LONRF2: variants seen among roughly 807,000 people sequenced by gnomAD.
The protein encoded by LONRF2 is LON peptidase N-terminal domain and ring finger 2.
A neutral mutation model predicts 66.6 loss-of-function variants in LONRF2; 35 were observed. The observed-to-expected ratio is 0.53, with a 90% CI of 0.40 to 0.70. LONRF2 has a LOEUF of 0.70. LONRF2 is among the 30% of genes least tolerant of loss of function. The probability of loss-of-function intolerance (pLI) is 0.00; values close to 1 mark genes in which losing one functional copy is unlikely to be tolerated. For synonymous variants in LONRF2, 417 were observed against 418.1 expected (o/e 1.00, Z 0.03); for missense variants, 902 against 1,002.1 (o/e 0.90, Z 1.35).
chr2:100,286,845 A>G (rs1276298559), intron 11 of LONRF2, 69 bp downstream of exon 11: 13 of 1,533,846 alleles, frequency 8.5e-6, no homozygotes, highest in African/African-American at 5.5e-5. Flanking sequence ...CAAGCTCTCC[A>G]CCAGAATGAT....
At chr2:100,293,397 G>A (rs1487222236) in intron 9 of LONRF2, among the ~76,000 whole-genome samples, 2 of 152,204 alleles carry the variant, frequency 1.3e-5, no homozygotes, top group East Asian at 1.9e-4. Flanking sequence ...TCCTGGGCAC[G>A]TAGGTGGACT....
At position 100,295,536 on chromosome 2, in the gene LONRF2, G is replaced by A; in HGVS notation, c.1494C>T (p.Asn498=). ...DKLSELLASR[N]FNITVLAEEL... ...CTTCGGCCAGAACAGTTATGTTAAA[G>A]TTTCTGCTTGCCAATAACTGTAACA... The change falls in exon 8 of 12, where the codon AAC becomes AAT. Residue 498 remains asparagine (N), a synonymous_variant. Coordinates refer to ENST00000393437, the MANE Select transcript of LONRF2 (RefSeq NM_198461.4). 6.2e-7 allele frequency: 1 copy of A among 1,613,186 alleles called. No individual in the cohort carries two copies. The highest frequency in any genetic ancestry group is 8.5e-7 in the Non-Finnish European group (1 of 1,179,712).
chr2:100,319,970 C>T (rs528487348), intron 1 of LONRF2, among the ~76,000 whole-genome samples: 1 of 152,326 alleles, frequency 6.6e-6, no homozygotes, highest in Admixed American at 6.5e-5. Flanking sequence ...CATTTTTCTA[C>T]ATCTTCTCCA....
rs775108359 is a variant in LONRF2, at chr2:100,284,350, C to A, written c.2213G>T (p.Arg738Leu). 6.3e-7 allele frequency: 1 copy of A among 1,590,814 alleles called. No individual in the cohort carries two copies. ...CAGCTCTTGCCGACTATTCATCTTA[C>A]GCGTGATGATGACTAATATCCGTCG... ...AIRRILVIIT[R>L]KMNSRQELAN... Residue 738 changes from arginine (R) to leucine (L), a missense_variant, in exon 12 of 12, where the codon CGT becomes CTT. Physicochemically the swap from Arg to Leu is moderately radical, Grantham distance 102. Around this residue, in one of 2 missense-constraint regions of LONRF2, gnomAD observed 317 missense variants for 432.2 expected, o/e 0.73. Transcript: ENST00000393437.
rs141386913 is a variant in LONRF2 at position 100,292,464 on chromosome 2, T to C, written c.1757+1765A>G. The stretch of plus-strand genomic sequence containing the variant: ...TTTATGTCTCTTCCTGGGCTCTGCC[T>C]ACTCTCTCCCTGTGGGATCTTGTTT... On this transcript the variant is annotated intron_variant, in intron 9 of 11. Transcript: ENST00000393437. Among the ~76,000 whole-genome samples, 485 of 152,362 alleles carry C rather than the reference T, an allele frequency of 3.2e-3. 2 individuals are homozygous for C. The highest frequency in any genetic ancestry group is 0.011 in the African/African-American group (466 of 41,590).
rs962051548 is a variant in LONRF2 at position 100,281,967 on chromosome 2, C to G, written c.*2331G>C. On this transcript the variant is annotated 3_prime_UTR_variant, in exon 12 of 12. Transcript: ENST00000393437. ...TGTCACCCTGACCCGGTTCCTGATG[C>G]GTGATGTTTCTAAGTGCTCAGTAAG... 6.6e-6 allele frequency: 1 copy of G among 151,648 alleles called. No individual in the cohort carries two copies. Among genetic ancestry groups the G allele is most frequent in the Non-Finnish European group, 1.5e-5 (1 of 67,972 alleles). 9.4% of individuals were successfully genotyped at this position (151,648 alleles called of 1,614,324 possible).
Position 100,284,977 on chromosome 2 carries a change from G to A in LONRF2, c.2071-485C>T, listed in dbSNP as rs72954165. Reference sequence around the variant, plus strand: ...ACATATATATGTATGCATGTCATATGCAAGAGTTATCATAAATTATATATA... The same window carrying A: ...ACATATATATGTATGCATGTCATATACAAGAGTTATCATAAATTATATATA... On this transcript the variant is annotated intron_variant, in intron 11 of 11. Coordinates refer to ENST00000393437, the MANE Select transcript of LONRF2 (RefSeq NM_198461.4). Among the ~76,000 whole-genome samples, 1,025 of 152,294 alleles carry A rather than the reference G, an allele frequency of 6.7e-3. 15 individuals carry two copies. Among genetic ancestry groups the A allele is most frequent in the African/African-American group, 0.023 (939 of 41,554 alleles).
intron 1 of LONRF2, among the ~76,000 whole-genome samples, chr2:100,314,848 A>G (rs537558587): frequency 6.6e-6 from 1 of 152,284 alleles, no homozygotes; most frequent in Admixed American, 6.5e-5. Context: ...CAATGTGTCT[A>G]TTTTTAAGCC....
rs1227058577 is a variant in LONRF2 at position 100,283,531 on chromosome 2, G to A, written c.*767C>T. The A allele has an allele frequency of 2.0e-5, 3 of 151,960 alleles. No homozygotes were observed. Among genetic ancestry groups the A allele is most frequent in the African/African-American group, 7.3e-5 (3 of 41,354 alleles). 9.4% of individuals were successfully genotyped at this position (151,960 alleles called of 1,614,324 possible). A position where few individuals can be genotyped will look rare whatever the true frequency, so the allele number is the denominator to read the frequency against. ...CTTTGCACTTGGTGGTTTTATGTTTGACATCCCAATGCATATACAATTTTA... is the reference window on the plus strand; with the variant it reads ...CTTTGCACTTGGTGGTTTTATGTTTAACATCCCAATGCATATACAATTTTA... On this transcript the variant is annotated 3_prime_UTR_variant, in exon 12 of 12. Transcript: ENST00000393437.
At chr2:100,305,474 G>A (rs529680993) in intron 2 of LONRF2, among the ~76,000 whole-genome samples, 1 of 152,228 alleles carries the variant, frequency 6.6e-6, no homozygotes, top group South Asian at 2.1e-4. Flanking sequence ...TAAATGTGAA[G>A]GTCTATTTTC....
At chr2:100,315,941 TA>T (rs1449965724) in intron 1 of LONRF2, among the ~76,000 whole-genome samples, 1 of 152,206 alleles carries the variant, frequency 6.6e-6, no homozygotes, top group African/African-American at 2.4e-5. Flanking sequence ...TATGGGCATT[TA>T]AAACAGTAAG....
intron 10 of LONRF2, 132 bp from the exon 11 acceptor site, chr2:100,287,195 A>G: frequency 1.2e-6 from 1 of 813,154 alleles, no homozygotes; most frequent in Non-Finnish European, 1.8e-6. Flanking sequence ...TTTCACAAAA[A>G]TGGTACATGC....
chr2:100,306,903 T>G (rs1675303589), intron 2 of LONRF2, among the ~76,000 whole-genome samples: 1 of 146,898 alleles, frequency 6.8e-6, no homozygotes, highest in Non-Finnish European at 1.5e-5. Context: ...ACTTTTTTTT[T>G]TTTTTGAGGT....
At chr2:100,318,677 A>G (rs188469929) in intron 1 of LONRF2, among the ~76,000 whole-genome samples, 1 of 151,506 alleles carries the variant, frequency 6.6e-6, no homozygotes, top group Admixed American at 6.6e-5. Context: ...CACACACACA[A>G]AAAAAATACG....
At position 100,321,950 on chromosome 2, in the gene LONRF2, G is replaced by A. The variant is rs1675643661; in HGVS notation, c.144C>T (p.Ser48=). The A allele has an allele frequency of 1.4e-6, 2 of 1,454,202 alleles. No individual in the cohort carries two copies. Among genetic ancestry groups the A allele is most frequent in the Middle Eastern group, 5.0e-4 (2 of 3,992 alleles). The allele number at this position is 1,454,202 out of a possible 1,614,324, so 90.1% of individuals were successfully genotyped here. ...CCGGCTGCGCCAGCCCGGCTAGCAT[G>A]GAGCGAAAGAGCTCGGCTGCCATCT... The part of the protein sequence containing the change: ...DYEMAAELFR[S]MLAGLAQPDR... The change falls in exon 1 of 12, where the codon TCC becomes TCT. Residue 48 remains serine, a synonymous_variant. Coordinates refer to ENST00000393437, the MANE Select transcript of LONRF2 (RefSeq NM_198461.4).
chr2:100,290,037 G>T (rs1292290457), intron 10 of LONRF2, among the ~76,000 whole-genome samples: 3 of 152,140 alleles, frequency 2.0e-5, no homozygotes, highest in Admixed American at 2.0e-4. Context: ...AGCCTGGGAG[G>T]TCAAGGCTGC....
At chr2:100,307,459 A>G (rs1675321494) in intron 2 of LONRF2, among the ~76,000 whole-genome samples, 1 of 152,242 alleles carries the variant, frequency 6.6e-6, no homozygotes. Context: ...CTCAAAGAAT[A>G]CTACGGAGAG....
intron 7 of LONRF2, among the ~76,000 whole-genome samples, chr2:100,297,172 G>A (rs1426000409): frequency 3.3e-5 from 5 of 151,102 alleles, no homozygotes; most frequent in African/African-American, 7.3e-5. Flanking sequence ...TCTGTCGCCC[G>A]GGCTGGAGTG....
chr2:100,294,138 T>G, intron 9 of LONRF2, 91 bp downstream of exon 9: 1 of 1,495,098 alleles, frequency 6.7e-7, no homozygotes, highest in East Asian at 2.4e-5. Flanking sequence ...CACTGGAGGT[T>G]TTCAAGCATC....
Sources: gnomAD v4.1 joint callset for allele counts (sites outside exome capture counted in the v4.1 genomes callset) on GRCh38, gnomAD v4.1.1 for gene constraint, gnomAD v4.1.1 regional missense constraint, MANE v1.5 for transcripts, NCBI Gene and HGNC (gene_info 2026-07-23, HGNC 2026-07-21) for gene names.